CDH1: variants seen among roughly 807,000 people sequenced by gnomAD.
CDH1 encodes the protein cadherin 1.
CDH1 carries 35 observed loss-of-function variants against 84.5 expected under a neutral mutation model. The observed-to-expected ratio is 0.41, with a 90% CI of 0.32 to 0.55. The LOEUF (loss-of-function observed/expected upper bound fraction) is 0.55. Ranked by LOEUF, CDH1 falls within the 20% of genes least tolerant of loss-of-function variation. The probability of loss-of-function intolerance (pLI) is 0.19; values close to 1 mark genes in which losing one functional copy is unlikely to be tolerated. For synonymous variants in CDH1, 417 were observed against 439.0 expected, an observed-to-expected ratio of 0.95 and a Z score of 0.63; for missense variants, 994 against 1,126.6, an observed-to-expected ratio of 0.88 and a Z score of 1.68.
At chr16:68,793,279 T>C (rs1043679832) in intron 2 of CDH1, among the ~76,000 whole-genome samples, 19 of 152,342 alleles carry the variant, frequency 1.2e-4, no homozygotes, top group African/African-American at 4.6e-4. Context: ...GAGTATAGTG[T>C]GGCTGTTGGA....
intron 2 of CDH1, among the ~76,000 whole-genome samples, chr16:68,780,716 G>A (rs569382889): frequency 1.5e-4 from 23 of 152,308 alleles, no homozygotes; most frequent in Admixed American, 1.3e-3. Flanking sequence ...AACTTCATGC[G>A]TCTTCAAAGC....
rs1051478263 is a variant in CDH1, at chr16:68,801,785, C to G, written c.279C>G (p.Asn93Lys). 1 of 1,614,152 alleles carries G rather than the reference C, an allele frequency of 6.2e-7. No homozygotes were observed. Among genetic ancestry groups the G allele is most frequent in the Non-Finnish European group, 8.5e-7 (1 of 1,179,978 alleles). The change falls in exon 3 of 16, where the codon AAC (asparagine) becomes AAG (lysine). Residue 93 changes from asparagine (N) to lysine (K), a missense_variant. By Grantham distance (94) the Asn-to-Lys change is moderately conservative. Transcript: ENST00000261769. ...ITVKRPLRFH[N>K]PQIHFLVYAW... ...TCAAAAGGCCTCTACGGTTTCATAA[C>G]CCACAGATCCATTTCTTGGTCTACG...
At chr16:68,822,482 C>T (rs577962884) in intron 12 of CDH1, 10 of 573,400 alleles carry the variant, frequency 1.7e-5, no homozygotes, top group Non-Finnish European at 2.9e-5. Context: ...CCACCCTCCA[C>T]TCCCCTCTCC....
intron 2 of CDH1, among the ~76,000 whole-genome samples, chr16:68,772,345 C>G (rs1320459721): frequency 6.6e-6 from 1 of 152,140 alleles, no homozygotes; most frequent in East Asian, 1.9e-4. Flanking sequence ...ATGGTTTGTC[C>G]CTCTCCAACA....
chr16:68,807,755 T>C (rs1455606435), intron 3 of CDH1, among the ~76,000 whole-genome samples: 2 of 152,112 alleles, frequency 1.3e-5, no homozygotes, highest in Non-Finnish European at 2.9e-5. Flanking sequence ...AGCTCTGATA[T>C]TAAATCATCA....
At chr16:68,757,658 A>G (rs1391916000) in intron 2 of CDH1, among the ~76,000 whole-genome samples, 2 of 152,196 alleles carry the variant, frequency 1.3e-5, no homozygotes, top group Admixed American at 6.6e-5. Context: ...GGTGGAATGC[A>G]GCAGGATTGC....
At chr16:68,784,136 G>A (rs542123600) in intron 2 of CDH1, among the ~76,000 whole-genome samples, 22 of 152,236 alleles carry the variant, frequency 1.4e-4, no homozygotes, top group South Asian at 4.1e-4. Context: ...GTCCCTCTGT[G>A]AGATGAAGTC....
chr16:68,799,743 G>A (rs1960447962), intron 2 of CDH1, among the ~76,000 whole-genome samples: 2 of 152,100 alleles, frequency 1.3e-5, no homozygotes, highest in South Asian at 2.1e-4. Context: ...GCCGGGTGTG[G>A]TGGCTCATTC....
intron 2 of CDH1, among the ~76,000 whole-genome samples, chr16:68,775,169 T>C (rs1959695538): frequency 6.6e-6 from 1 of 151,882 alleles, no homozygotes; most frequent in Non-Finnish European, 1.5e-5. Context: ...ATTTTACAAT[T>C]AACATTGTCA....
intron 14 of CDH1, 95 bp downstream of exon 14, chr16:68,828,399 C>A: frequency 1.6e-6 from 2 of 1,286,344 alleles, no homozygotes; most frequent in African/African-American, 1.5e-5. Context: ...AGCTCTGAAT[C>A]ACTTTGGATA....
chr16:68,812,013 G>A (rs1303701029), intron 7 of CDH1, 122 bp from the exon 8 acceptor site: 2 of 1,521,160 alleles, frequency 1.3e-6, no homozygotes, highest in Non-Finnish European at 1.8e-6. Context: ...TCCGTGCCTA[G>A]AAGACAGGCA....
chr16:68,828,950 A>G (rs1471041918), intron 14 of CDH1, among the ~76,000 whole-genome samples: 1 of 152,124 alleles, frequency 6.6e-6, no homozygotes. Flanking sequence ...GTGTACAGAG[A>G]AAAATATTGT....
chr16:68,830,732 C>T (rs191365140), intron 15 of CDH1, among the ~76,000 whole-genome samples: 1 of 152,210 alleles, frequency 6.6e-6, no homozygotes, highest in African/African-American at 2.4e-5. Context: ...AGTCTGTATT[C>T]CAGTCAGGAA....
rs2152139381 is a variant in CDH1 at position 68,823,473 on chromosome 16, G to A, written c.2011G>A (p.Asp671Asn). The A allele has an allele frequency of 6.2e-7, 1 of 1,614,064 alleles. No homozygotes were observed. The highest frequency in any genetic ancestry group is 8.5e-7 in the Non-Finnish European group (1 of 1,179,992). ...GDYKINLKLM[D>N]NQNKDQVTTL... The stretch of plus-strand genomic sequence containing the variant: ...CTACAAAATCAATCTCAAGCTCATG[G>A]ATAACCAGAATAAAGACCAAGTGAC... Residue 671 changes from aspartate (D) to asparagine (N), a missense_variant, in exon 13 of 16, where the codon GAT (aspartate) becomes AAT (asparagine). Coordinates refer to ENST00000261769, the MANE Select transcript of CDH1 (RefSeq NM_004360.5).
chr16:68,743,921 C>A (rs1376214259), intron 2 of CDH1, among the ~76,000 whole-genome samples: 1 of 152,196 alleles, frequency 6.6e-6, no homozygotes, highest in Non-Finnish European at 1.5e-5. Context: ...TATGTACATT[C>A]ATTTAGTTCA....
At chr16:68,773,323 G>A (rs1959636723) in intron 2 of CDH1, among the ~76,000 whole-genome samples, 1 of 148,132 alleles carries the variant, frequency 6.8e-6, no homozygotes, top group East Asian at 2.0e-4. Flanking sequence ...TTGAGATGGA[G>A]TCTTGCTCTG....
At chr16:68,737,595 C>A in intron 1 of CDH1, 132 bp downstream of exon 1, 1 of 856,440 alleles carries the variant, frequency 1.2e-6, no homozygotes, top group Non-Finnish European at 1.8e-6. Flanking sequence ...AGGAGCGGAG[C>A]GGCCTGGAAG....
intron 13 of CDH1, 141 bp downstream of exon 13, chr16:68,823,767 T>C (rs1309663960): frequency 1.5e-6 from 1 of 651,340 alleles, no homozygotes; most frequent in Admixed American, 2.7e-5. Flanking sequence ...TATGCCAGCC[T>C]CCATAAAATA....
intron 2 of CDH1, among the ~76,000 whole-genome samples, chr16:68,796,396 G>A (rs1481005681): frequency 6.6e-6 from 1 of 152,014 alleles, no homozygotes; most frequent in Non-Finnish European, 1.5e-5. Context: ...TCCCAACATC[G>A]TCTGAAAATA....
Sources: gnomAD v4.1 joint callset for allele counts (sites outside exome capture counted in the v4.1 genomes callset) on GRCh38, gnomAD v4.1.1 for gene constraint, MANE v1.5 for transcripts, NCBI Gene and HGNC (gene_info 2026-07-23, HGNC 2026-07-21) for gene names.